Variants in SEMA3E observed in about 807,000 individuals in gnomAD.
SEMA3E encodes the protein semaphorin-3E.
In SEMA3E, 49 loss-of-function variants were observed where a neutral mutation model predicts 93.6. That is an observed-to-expected ratio of 0.52 (90% CI 0.42 to 0.66). The LOEUF is 0.66. Among genes scored for constraint, SEMA3E ranks in the 30% least tolerant of loss-of-function variants. The probability of loss-of-function intolerance (pLI) is 0.00; values close to 1 mark genes in which losing one functional copy is unlikely to be tolerated. For missense variants in SEMA3E, 906 were observed against 964.8 expected (o/e 0.94, Z 0.81); for synonymous variants, 363 against 330.7 (o/e 1.10, Z -1.06).
At chr7:83,443,149 A>C (rs943321124) in intron 4 of SEMA3E, among the ~76,000 whole-genome samples, 3 of 152,180 alleles carry the variant, frequency 2.0e-5, no homozygotes, top group African/African-American at 7.2e-5. Context: ...GCCCATACTA[A>C]CCATCAAATC....
In SEMA3E at chr7:83,367,702, T is replaced by C; in HGVS notation, c.2212A>G (p.Lys738Glu). 1 of 1,614,070 alleles carries C rather than the reference T, an allele frequency of 6.2e-7. No homozygotes were observed. Among genetic ancestry groups the C allele is most frequent in the Non-Finnish European group, 8.5e-7 (1 of 1,179,996 alleles). The part of the protein sequence containing the change: ...YCEKVWCTDR[K>E]RKKLKMSPSK... ...GGTGACATTTTAAGCTTTTTCCTCT[T>C]TCTATCTGTGCACCATACTTTCTCG... Residue 738 changes from lysine (K) to glutamate (E), a missense_variant, in exon 17 of 17, where the codon AAG becomes GAG. Coordinates refer to ENST00000643230, the MANE Select transcript of SEMA3E (RefSeq NM_012431.3).
At chr7:83,627,628 C>CTTTTTTTTTTTTTTTTT (rs746550123) in intron 1 of SEMA3E, among the ~76,000 whole-genome samples, 64 of 65,346 alleles carry the variant, frequency 9.8e-4, no homozygotes, top group South Asian at 1.5e-3. Context: ...GCAACCCCTG[C>CTTTTTTTTTTTTTTTTT]TTTTTTTTTT....
intron 1 of SEMA3E, among the ~76,000 whole-genome samples, chr7:83,518,685 A>G (rs4392826): frequency 0.53 from 80,402 of 151,988 alleles, 23,560 homozygotes; most frequent in Middle Eastern, 0.7. Flanking sequence ...GACAGACCTC[A>G]GAACGTTAAT....
intron 1 of SEMA3E, among the ~76,000 whole-genome samples, chr7:83,642,657 T>C (rs1794029390): frequency 6.6e-6 from 1 of 151,952 alleles, no homozygotes; most frequent in African/African-American, 2.4e-5. Context: ...GGCTTTACTG[T>C]GAAAAAAAAT....
chr7:83,416,544 G>T (rs1425679694), intron 5 of SEMA3E, among the ~76,000 whole-genome samples: 1 of 151,832 alleles, frequency 6.6e-6, no homozygotes, highest in East Asian at 1.9e-4. Context: ...ATATTCTCAG[G>T]ATTTCACTAT....
chr7:83,409,580 T>C (rs1788400399), intron 5 of SEMA3E, among the ~76,000 whole-genome samples: 1 of 152,150 alleles, frequency 6.6e-6, no homozygotes, highest in Non-Finnish European at 1.5e-5. Flanking sequence ...TTGCAATGTG[T>C]ATGCATACAC....
At chr7:83,498,667 C>T (rs865967474) in intron 1 of SEMA3E, among the ~76,000 whole-genome samples, 6 of 152,008 alleles carry the variant, frequency 3.9e-5, no homozygotes, top group Middle Eastern at 3.4e-3. Flanking sequence ...TTAGTAGAGA[C>T]GGGGTCTCAC....
intron 2 of SEMA3E, among the ~76,000 whole-genome samples, chr7:83,472,581 G>A (rs1789921803): frequency 6.6e-6 from 1 of 152,094 alleles, no homozygotes; most frequent in Non-Finnish European, 1.5e-5. Flanking sequence ...AGTTCCCTCG[G>A]AATTTCAAGG....
intron 1 of SEMA3E, among the ~76,000 whole-genome samples, chr7:83,527,686 G>T (rs1356469995): frequency 6.6e-6 from 1 of 151,976 alleles, no homozygotes; most frequent in African/African-American, 2.4e-5. Context: ...AATCATAATT[G>T]GTAGCAAAGA....
intron 5 of SEMA3E, among the ~76,000 whole-genome samples, chr7:83,416,100 T>C (rs1404243196): frequency 6.6e-6 from 1 of 152,236 alleles, no homozygotes; most frequent in East Asian, 1.9e-4. Flanking sequence ...ACATAGGTTA[T>C]CAGGTTTCCA....
chr7:83,386,266 A>C (rs1013932647), intron 15 of SEMA3E, among the ~76,000 whole-genome samples: 1 of 152,064 alleles, frequency 6.6e-6, no homozygotes, highest in Non-Finnish European at 1.5e-5. Context: ...ATGCTGGAGC[A>C]CAGTCTCTGG....
intron 1 of SEMA3E, among the ~76,000 whole-genome samples, chr7:83,517,637 A>G (rs1790958098): frequency 6.6e-6 from 1 of 152,100 alleles, no homozygotes; most frequent in Non-Finnish European, 1.5e-5. Flanking sequence ...AGAATTAGGG[A>G]GAGAGGTAGC....
intron 1 of SEMA3E, among the ~76,000 whole-genome samples, chr7:83,615,249 G>A (rs569125606): frequency 1.3e-5 from 2 of 152,164 alleles, no homozygotes; most frequent in South Asian, 4.1e-4. Context: ...GTTATCCTTA[G>A]TTGGAGATTT....
At chr7:83,410,794 G>A (rs1411652080) in intron 5 of SEMA3E, among the ~76,000 whole-genome samples, 1 of 152,008 alleles carries the variant, frequency 6.6e-6, no homozygotes, top group Admixed American at 6.6e-5. Flanking sequence ...TAACACATGA[G>A]TGAGGATTTC....
rs1584386382 is a variant in SEMA3E, at chr7:83,648,748, G to A, written c.-206C>T. 1.6e-5 allele frequency: 10 copies of A among 625,536 alleles called. No homozygotes were observed. The East Asian group carries it at 2.8e-4, about 18-fold the overall frequency. The allele number at this position is 625,536 out of a possible 1,614,324, so 38.7% of individuals were successfully genotyped here. On this transcript the variant is annotated 5_prime_UTR_variant, in exon 1 of 17. Coordinates refer to ENST00000643230, the MANE Select transcript of SEMA3E (RefSeq NM_012431.3). ...CTTTCCTCGGGACAGTTGTTTATAA[G>A]CCGGGAGCAAGAGGACATTCCAAAG...
intron 1 of SEMA3E, among the ~76,000 whole-genome samples, chr7:83,571,677 C>T (rs1357538288): frequency 6.6e-6 from 1 of 152,118 alleles, no homozygotes; most frequent in East Asian, 1.9e-4. Flanking sequence ...ACAAGGATGC[C>T]CACTCTCACC....
chr7:83,420,378 C>T (rs182763383), intron 4 of SEMA3E, among the ~76,000 whole-genome samples: 4 of 152,186 alleles, frequency 2.6e-5, no homozygotes, highest in Non-Finnish European at 5.9e-5. Flanking sequence ...GGCCATACTG[C>T]CCAAAGCAAT....
intron 4 of SEMA3E, among the ~76,000 whole-genome samples, chr7:83,424,671 A>G (rs117425492): frequency 1.5e-4 from 23 of 152,306 alleles, no homozygotes; most frequent in Non-Finnish European, 3.1e-4. Flanking sequence ...GTTACCTTAC[A>G]TGGCAAAAGG....
chr7:83,454,166 G>A (rs945778285), intron 4 of SEMA3E, among the ~76,000 whole-genome samples: 9 of 148,822 alleles, frequency 6.0e-5, no homozygotes, highest in South Asian at 2.1e-4. Flanking sequence ...GCTGAGGCAG[G>A]AGAATTGCGT....
Sources: allele counts gnomAD v4.1 joint callset (sites outside exome capture counted in the v4.1 genomes callset), GRCh38; gene constraint gnomAD v4.1.1; transcripts MANE v1.5; gene names NCBI Gene and HGNC (gene_info 2026-07-23, HGNC 2026-07-21).